The following PTRH2 variants were observed in gnomAD, a reference collection of about 807,000 sequenced individuals.
The protein encoded by PTRH2 is peptidyl-tRNA hydrolase 2, mitochondrial.
A neutral mutation model predicts 12.3 loss-of-function variants in PTRH2; 10 were observed. The ratio of observed to expected loss-of-function variants is 0.81; its 90% CI spans 0.50 to 1.38. The LOEUF (loss-of-function observed/expected upper bound fraction) is 1.38. PTRH2 is among the 40% of genes most tolerant of loss of function. The probability of loss-of-function intolerance (pLI) is 0.00; values close to 1 mark genes in which losing one functional copy is unlikely to be tolerated. For synonymous variants in PTRH2, 73 were observed against 77.4 expected, an observed-to-expected ratio of 0.94 and a Z score of 0.30; for missense variants, 176 against 214.1, an observed-to-expected ratio of 0.82 and a Z score of 1.11.
chr17:59,698,632 T>G, intron 1 of PTRH2: 1 of 478,658 alleles, frequency 2.1e-6, no homozygotes, highest in East Asian at 3.4e-5. Flanking sequence ...CAATTTTCCA[T>G]GGGGTTATAT....
chr17:59,700,271 T>C (rs2033532040), intron 1 of PTRH2: 1 of 152,210 alleles, frequency 6.6e-6, no homozygotes, highest in African/African-American at 2.4e-5. Context: ...AATATTTGAG[T>C]CACCAATAAG....
At position 59,697,639 on chromosome 17, in the gene PTRH2, G is replaced by C. The variant is rs749056029; in HGVS notation, c.340C>G (p.Pro114Ala). ...TCAGGAGCTTTGACCACCACCTTGG[G>C]CTGGCCACAGTATTCCCATTGTTTG... is the stretch of plus-strand genomic sequence containing the variant. ...MLKQWEYCGQPKVVVKAPDEE... is the reference protein window; with the variant it reads ...MLKQWEYCGQAKVVVKAPDEE... Residue 114 changes from proline (P) to alanine (A), a missense_variant, in exon 2 of 2, where the codon CCC (proline) becomes GCC (alanine). Transcript: ENST00000393038. 1.9e-5 allele frequency: 30 copies of C among 1,614,042 alleles called. No homozygotes were observed. Among genetic ancestry groups the C allele is most frequent in the Non-Finnish European group, 2.4e-5 (28 of 1,180,030 alleles).
At chr17:59,701,038 G>C (rs1055351120) in intron 1 of PTRH2, 1 of 152,328 alleles carries the variant, frequency 6.6e-6, no homozygotes, top group Non-Finnish European at 1.5e-5. Context: ...TTCTCCAGTA[G>C]TACTTAGAAG....
intron 1 of PTRH2, among the ~76,000 whole-genome samples, chr17:59,703,651 C>A (rs368520058): frequency 2.0e-5 from 3 of 151,076 alleles, no homozygotes; most frequent in Admixed American, 2.0e-4. Flanking sequence ...ATTACAGACA[C>A]CCGCCACTAC....
chr17:59,697,997 A>T lies in PTRH2; in HGVS notation c.1-19T>A. On this transcript the variant is annotated intron_variant, in intron 1 of 1. Transcript: ENST00000393038. The stretch of plus-strand genomic sequence containing the variant: ...AGGGCATCTTAAAGGAAAGGAAAAC[A>T]GTTATCACTATCCGGCAGTAACAAC... 6.2e-7 allele frequency: 1 copy of T among 1,602,070 alleles called. No homozygotes were observed. The highest frequency in any genetic ancestry group is 8.5e-7 in the Non-Finnish European group (1 of 1,175,708).
chr17:59,705,761 A>G (rs905964298), intron 1 of PTRH2, among the ~76,000 whole-genome samples: 2 of 152,174 alleles, frequency 1.3e-5, no homozygotes, highest in Non-Finnish European at 2.9e-5. Context: ...AATTTAAATA[A>G]TTAGCCAGAT....
intron 1 of PTRH2, chr17:59,699,147 A>T: frequency 3.1e-6 from 1 of 318,468 alleles, no homozygotes; most frequent in South Asian, 3.5e-5. Context: ...AGCATCCTGT[A>T]TCTGCGCCTG....
rs1349216191 is a variant in PTRH2 at position 59,698,736 on chromosome 17, G to A, written c.1-758C>T. 4.9e-6 allele frequency: 3 copies of A among 609,304 alleles called. No homozygotes were observed. The African/African-American group carries it at 5.5e-5, about 11-fold the overall frequency. 37.7% of individuals were successfully genotyped at this position (609,304 alleles called of 1,614,324 possible). A position where few individuals can be genotyped will look rare whatever the true frequency, so the allele number is the denominator to read the frequency against. On this transcript the variant is annotated intron_variant, in intron 1 of 1. Transcript: ENST00000393038. ...TGACTTAGCCTAGCCTACCTTAAAT[G>A]TGCTCAGAACACTTACATTAGCCTA...
In PTRH2 at chr17:59,697,727, G is replaced by A. The variant is rs1295736754; in HGVS notation, c.252C>T (p.Ala84=). The A allele has an allele frequency of 6.2e-7, 1 of 1,613,992 alleles. No homozygotes were observed. The highest frequency in any genetic ancestry group is 2.2e-5 in the East Asian group (1 of 44,886). The change falls in exon 2 of 2, where the codon GCC becomes GCT. Residue 84 remains alanine, a synonymous_variant. Transcript: ENST00000393038. The part of the protein sequence containing the change: ...DLKMGKGKVA[A]QCSHAAVSAY... The stretch of plus-strand genomic sequence containing the variant: ...CTGAAACAGCAGCATGAGAGCACTG[G>A]GCAGCCACTTTCCCTTTTCCCATCT...
chr17:59,699,136 G>A (rs1017119503), intron 1 of PTRH2: 13 of 350,436 alleles, frequency 3.7e-5, no homozygotes, highest in African/African-American at 6.0e-5. Context: ...TAGCAAGCAA[G>A]AGCATCCTGT....
chr17:59,703,902 G>T (rs1334108522), intron 1 of PTRH2, among the ~76,000 whole-genome samples: 1 of 151,498 alleles, frequency 6.6e-6, no homozygotes, highest in Non-Finnish European at 1.5e-5. Flanking sequence ...CCACCTCTGG[G>T]GTTCAAGTGC....
chr17:59,699,801 T>C (rs991553627), intron 1 of PTRH2: 3 of 152,902 alleles, frequency 2.0e-5, no homozygotes, highest in Non-Finnish European at 2.9e-5. Flanking sequence ...GCCACCTTCA[T>C]GCTGGGCAAT....
At chr17:59,699,768 C>T (rs1186157282) in intron 1 of PTRH2, 7 of 153,286 alleles carry the variant, frequency 4.6e-5, no homozygotes, top group South Asian at 2.1e-4. Context: ...TCCTAACTCA[C>T]GTGCAATGGC....
At position 59,697,907 on chromosome 17, in the gene PTRH2, A is replaced by C; in HGVS notation, c.72T>G (p.Ala24=). ...PSTLGLAVGV[A]CGMCLGWSLR... ...GGCTCCAGCCCAGGCACATGCCACA[A>C]GCAACTCCAACAGCCAAGCCGAGTG... Residue 24 remains alanine (A), a synonymous_variant, in exon 2 of 2, where the codon GCT becomes GCG. Coordinates refer to ENST00000393038, the MANE Select transcript of PTRH2 (RefSeq NM_016077.5). The C allele has an allele frequency of 6.2e-7, 1 of 1,614,164 alleles. No individual in the cohort carries two copies. Among genetic ancestry groups the C allele is most frequent in the South Asian group, 1.1e-5 (1 of 91,078 alleles).
At position 59,697,453 on chromosome 17, in the gene PTRH2, GGTGACCA is replaced by G; in HGVS notation, c.519_525del (p.Gly174Ter). ...TCAAAGTCCACCTAGTAAAGTTTTA[GGTGACCA>G]GTGACTTTGTCAATTAGGTCTGCTG... is the stretch of plus-strand genomic sequence containing the variant. On this transcript the variant is annotated frameshift_variant, in exon 2 of 2. Coordinates refer to ENST00000393038, the MANE Select transcript of PTRH2 (RefSeq NM_016077.5). LOFTEE classifies it high-confidence loss of function. The G allele has an allele frequency of 6.2e-7, 1 of 1,610,004 alleles. No individual in the cohort carries two copies. The highest frequency in any genetic ancestry group is 8.5e-7 in the Non-Finnish European group (1 of 1,176,742).
At chr17:59,702,872 G>T (rs901527728) in intron 1 of PTRH2, among the ~76,000 whole-genome samples, 1 of 152,124 alleles carries the variant, frequency 6.6e-6, no homozygotes, top group Non-Finnish European at 1.5e-5. Context: ...CGAATTACAT[G>T]AGATATTCAA....
chr17:59,701,068 A>G (rs918166277), intron 1 of PTRH2: 1 of 152,258 alleles, frequency 6.6e-6, no homozygotes, highest in Non-Finnish European at 1.5e-5. Flanking sequence ...TAAAACTACT[A>G]ATCACTTCCT....
intron 1 of PTRH2, among the ~76,000 whole-genome samples, chr17:59,701,859 ATTTTTTT>A (rs999977067): frequency 2.2e-5 from 3 of 134,126 alleles, no homozygotes; most frequent in Non-Finnish European, 4.8e-5. Flanking sequence ...CACCCGGCTA[ATTTTTTT>A]TTTTTTTTTT....
chr17:59,697,715 A>G lies in PTRH2; in HGVS notation c.264T>C (p.His88=). Residue 88 remains histidine, a synonymous_variant, in exon 2 of 2, where the codon CAT becomes CAC. Transcript: ENST00000393038. The part of the protein sequence containing the change: ...GKGKVAAQCS[H]AAVSAYKQIQ... Reference sequence around the variant, plus strand: ...TCTGCTTGTAGGCTGAAACAGCAGCATGAGAGCACTGGGCAGCCACTTTCC... The same window carrying G: ...TCTGCTTGTAGGCTGAAACAGCAGCGTGAGAGCACTGGGCAGCCACTTTCC... 1.9e-6 allele frequency: 3 copies of G among 1,614,218 alleles called. No individual in the cohort carries two copies. The highest frequency in any genetic ancestry group is 1.7e-5 in the Admixed American group (1 of 60,030).
Sources: gnomAD v4.1 joint callset for allele counts (sites outside exome capture counted in the v4.1 genomes callset) on GRCh38, gnomAD v4.1.1 for gene constraint, MANE v1.5 for transcripts, NCBI Gene and HGNC (gene_info 2026-07-23, HGNC 2026-07-21) for gene names.